The following LGI1 variants were observed in gnomAD, a reference collection of about 807,000 sequenced individuals.
LGI1 encodes the protein leucine rich glioma inactivated 1, also known as leucine-rich glioma-inactivated protein 1.
In LGI1, 11 loss-of-function variants were observed where a neutral mutation model predicts 57.7. The observed-to-expected ratio is 0.19, with a 90% CI of 0.12 to 0.32. The LOEUF is 0.32. Ranked by LOEUF, LGI1 falls within the 10% of genes least tolerant of loss-of-function variation. The pLI is 1.00. For synonymous variants in LGI1, 222 were observed against 241.9 expected (o/e 0.92, Z 0.76); for missense variants, 422 against 661.9 (o/e 0.64, Z 3.98).
intron 4 of LGI1, chr10:93,780,137 G>T (rs1036376750): frequency 6.6e-6 from 1 of 152,398 alleles, no homozygotes; most frequent in African/African-American, 2.4e-5. Flanking sequence ...TTCTCACTGA[G>T]TGCCTTTGTC....
intron 2 of LGI1, chr10:93,771,213 A>T (rs2059734669): frequency 6.6e-6 from 1 of 152,250 alleles, no homozygotes; most frequent in South Asian, 2.1e-4. Flanking sequence ...TTTAGAAAAT[A>T]TCAAGGCTGT....
At chr10:93,782,116 C>T (rs1328850163) in intron 4 of LGI1, among the ~76,000 whole-genome samples, 1 of 152,198 alleles carries the variant, frequency 6.6e-6, no homozygotes, top group East Asian at 1.9e-4. Flanking sequence ...TCTCTGCCAG[C>T]TCAATAGGAC....
In LGI1 at chr10:93,792,903, A is replaced by G; in HGVS notation, c.664A>G (p.Ile222Val). ...NSLSSKDFDC[I>V]ITEFAKSQDL... ...TCTCTCCTCGAAGGATTTTGATTGC[A>G]TCATTACAGGTAATGTACTCATCAT... Residue 222 changes from isoleucine to valine, a missense_variant, in exon 6 of 8, where the codon ATC (isoleucine) becomes GTC (valine). Transcript: ENST00000371418. The G allele has an allele frequency of 1.9e-6, 3 of 1,614,006 alleles. No individual in the cohort carries two copies. Among genetic ancestry groups the G allele is most frequent in the Non-Finnish European group, 2.5e-6 (3 of 1,179,864 alleles).
rs1222456744 is a variant in LGI1, at chr10:93,760,175, T to C, written c.287+1344T>C. On this transcript the variant is annotated intron_variant, in intron 2 of 7. Transcript: ENST00000371418. ...GACATTATGTAATGATGTTGGCTAA[T>C]GCCCTTCTACTGGCTGATGTCTTCA... 3.9e-5 allele frequency among the ~76,000 whole-genome samples: 6 copies of C among 152,344 alleles called. No homozygotes were observed. The East Asian group carries it at 1.2e-3, about 29-fold the overall frequency.
intron 2 of LGI1, chr10:93,767,710 C>T (rs748966708): frequency 1.3e-5 from 2 of 152,108 alleles, no homozygotes; most frequent in African/African-American, 2.4e-5. Flanking sequence ...TTGATGTGAC[C>T]TCTGGGAGTC....
At chr10:93,772,755 A>G (rs1344656419) in intron 2 of LGI1, 1 of 152,096 alleles carries the variant, frequency 6.6e-6, no homozygotes, top group Non-Finnish European at 1.5e-5. Flanking sequence ...CAATGAGCAT[A>G]TATTATTTAT....
At chr10:93,784,154 T>C (rs75981342) in intron 4 of LGI1, among the ~76,000 whole-genome samples, 2,735 of 152,208 alleles carry the variant, frequency 0.018, 80 homozygotes, top group African/African-American at 0.063. Context: ...AAAAGAACAT[T>C]GATTAAATGT....
At chr10:93,762,407 C>T (rs1401714974) in intron 2 of LGI1, 1 of 152,192 alleles carries the variant, frequency 6.6e-6, no homozygotes, top group Non-Finnish European at 1.5e-5. Context: ...TAAGTCCATC[C>T]TTACTAAGGC....
At chr10:93,759,675 C>A (rs1010993462) in intron 2 of LGI1, among the ~76,000 whole-genome samples, 1 of 152,312 alleles carries the variant, frequency 6.6e-6, no homozygotes, top group Non-Finnish European at 1.5e-5. Context: ...CAGAATTAGA[C>A]AATTGTGGAT....
intron 2 of LGI1, chr10:93,768,023 T>C (rs2059696913): frequency 6.6e-6 from 1 of 152,204 alleles, no homozygotes; most frequent in African/African-American, 2.4e-5. Context: ...GGAAACTGTA[T>C]ATTTAATTCC....
At chr10:93,774,881 A>G (rs898785978) in intron 2 of LGI1, among the ~76,000 whole-genome samples, 1 of 152,226 alleles carries the variant, frequency 6.6e-6, no homozygotes, top group Non-Finnish European at 1.5e-5. Context: ...TCCTCTGTAT[A>G]GAATATGATG....
chr10:93,776,550 T>C (rs2059796447), intron 2 of LGI1, among the ~76,000 whole-genome samples: 1 of 152,276 alleles, frequency 6.6e-6, no homozygotes, highest in Non-Finnish European at 1.5e-5. Flanking sequence ...ATCCCTGGCT[T>C]CAGAAGTAAA....
chr10:93,792,405 G>A (rs2059944558), intron 5 of LGI1: 2 of 259,512 alleles, frequency 7.7e-6, no homozygotes, highest in Non-Finnish European at 1.5e-5. Flanking sequence ...AATTATACCT[G>A]CTTCTTTTTA....
chr10:93,786,541 C>T (rs1341617555), intron 4 of LGI1, among the ~76,000 whole-genome samples: 3 of 46,890 alleles, frequency 6.4e-5, no homozygotes, highest in African/African-American at 8.9e-5. Flanking sequence ...CAAAATATTC[C>T]GTGTTACATA....
intron 5 of LGI1, 26 bp from the exon 6 acceptor site, chr10:93,792,717 A>G (rs1435312366): frequency 6.2e-7 from 1 of 1,613,162 alleles, no homozygotes. Flanking sequence ...CTTGTACAGC[A>G]AAAGCAGCTG....
intron 2 of LGI1, among the ~76,000 whole-genome samples, chr10:93,766,018 C>T (rs901456619): frequency 1.3e-5 from 2 of 149,066 alleles, no homozygotes; most frequent in African/African-American, 4.9e-5. Flanking sequence ...TGAATCAGTT[C>T]TAACAAACCA....
chr10:93,792,897 G>C lies in LGI1; in HGVS notation c.658G>C (p.Asp220His), dbSNP rs772228851. The C allele has an allele frequency of 3.7e-6, 6 of 1,613,744 alleles. No homozygotes were observed. Among genetic ancestry groups the C allele is most frequent in the Non-Finnish European group, 4.2e-6 (5 of 1,179,898 alleles). Residue 220 changes from aspartate (D) to histidine (H), a missense_variant, in exon 6 of 8, where the codon GAT (aspartate) becomes CAT (histidine). Coordinates refer to ENST00000371418, the MANE Select transcript of LGI1 (RefSeq NM_005097.4). The part of the protein sequence containing the change: ...KINSLSSKDF[D>H]CIITEFAKSQ... ...CAATAGTCTCTCCTCGAAGGATTTT[G>C]ATTGCATCATTACAGGTAATGTACT...
chr10:93,784,620 T>G (rs980315047), intron 4 of LGI1, among the ~76,000 whole-genome samples: 1 of 152,136 alleles, frequency 6.6e-6, no homozygotes, highest in Non-Finnish European at 1.5e-5. Context: ...AGAAAGTCTT[T>G]TTCCTGACAA....
At position 93,788,952 on chromosome 10, in the gene LGI1, C is replaced by T. The variant is rs374317693; in HGVS notation, c.432-1147C>T. On this transcript the variant is annotated intron_variant, in intron 4 of 7. Coordinates refer to ENST00000371418, the MANE Select transcript of LGI1 (RefSeq NM_005097.4). ...AAACACCTCTAAGAAAAGTTTATAA[C>T]GTGTATATATATGGTGCTGGTTAAA... 6 of 151,736 alleles carry T rather than the reference C, an allele frequency of 4.0e-5. No homozygotes were observed. In the South Asian group the frequency reaches 8.3e-4, roughly 21 times the overall value. 9.4% of individuals were successfully genotyped at this position (151,736 alleles called of 1,614,324 possible).
Sources: allele counts gnomAD v4.1 joint callset (sites outside exome capture counted in the v4.1 genomes callset), GRCh38; gene constraint gnomAD v4.1.1; transcripts MANE v1.5; gene names NCBI Gene and HGNC (gene_info 2026-07-23, HGNC 2026-07-21).